Variants in PRDM16 observed in about 807,000 individuals in gnomAD.
The protein encoded by PRDM16 is histone-lysine N-methyltransferase PRDM16.
A neutral mutation model predicts 110.6 loss-of-function variants in PRDM16; 23 were observed. The ratio of observed to expected loss-of-function variants is 0.21; its 90% CI spans 0.15 to 0.29. PRDM16 has a LOEUF of 0.29. Among genes scored for constraint, PRDM16 ranks in the 10% least tolerant of loss-of-function variants. The pLI is 1.00. For synonymous variants in PRDM16, 799 were observed against 781.8 expected (o/e 1.02, Z -0.37); for missense variants, 1,615 against 1,794.3 (o/e 0.90, Z 1.81).
intron 1 of PRDM16, among the ~76,000 whole-genome samples, chr1:3,180,554 G>A (rs765886485): frequency 7.2e-5 from 11 of 152,114 alleles, no homozygotes; most frequent in South Asian, 4.1e-4. Flanking sequence ...CCCGAGGGCC[G>A]CAAAAGTAAA....
At chr1:3,196,602 C>T (rs796087611) in intron 2 of PRDM16, among the ~76,000 whole-genome samples, 3 of 152,320 alleles carry the variant, frequency 2.0e-5, no homozygotes, top group South Asian at 2.1e-4. Context: ...AGCCAGGAAC[C>T]GCAGGGGTTC....
intron 16 of PRDM16, 66 bp downstream of exon 16, chr1:3,432,206 T>A: frequency 6.9e-7 from 1 of 1,457,066 alleles, no homozygotes; most frequent in Non-Finnish European, 9.5e-7. Flanking sequence ...CAGCCAGCAC[T>A]CCTCTCCCGC....
At chr1:3,252,938 G>A (rs994795633) in intron 3 of PRDM16, among the ~76,000 whole-genome samples, 18 of 152,236 alleles carry the variant, frequency 1.2e-4, no homozygotes, top group African/African-American at 3.9e-4. Flanking sequence ...GTGTGTGCTC[G>A]TGGAGATGTG....
chr1:3,328,817 G>A (rs890506613), intron 3 of PRDM16, among the ~76,000 whole-genome samples: 9 of 152,110 alleles, frequency 5.9e-5, no homozygotes, highest in African/African-American at 1.9e-4. Flanking sequence ...GCCATTGTCC[G>A]ACCCTCTGCG....
intron 5 of PRDM16, among the ~76,000 whole-genome samples, chr1:3,401,602 AAACC>A (rs1643473016): frequency 6.6e-6 from 1 of 152,122 alleles, no homozygotes; most frequent in Non-Finnish European, 1.5e-5. Flanking sequence ...ACACACACAC[AAACC>A]AACACACAAT....
chr1:3,074,590 A>G (rs1641850168), intron 1 of PRDM16, among the ~76,000 whole-genome samples: 1 of 151,626 alleles, frequency 6.6e-6, no homozygotes, highest in Admixed American at 6.6e-5. Flanking sequence ...CGTCCCCCAC[A>G]GCTCCTGCCC....
chr1:3,225,573 T>TGTGTGTGTGTGCGCGCGCGCGC (rs1336272072), intron 2 of PRDM16, among the ~76,000 whole-genome samples: 9 of 129,796 alleles, frequency 6.9e-5, no homozygotes, highest in African/African-American at 2.4e-4. Context: ...TGTGTGTGTG[T>TGTGTGTGTGTGCGCGCGCGCGC]GCGCGCGCGC....
intron 1 of PRDM16, among the ~76,000 whole-genome samples, chr1:3,102,900 C>A (rs1642565128): frequency 6.6e-6 from 1 of 152,204 alleles, no homozygotes; most frequent in Non-Finnish European, 1.5e-5. Context: ...GTCAGAGTAG[C>A]CCAACCTCAG....
intron 3 of PRDM16, among the ~76,000 whole-genome samples, chr1:3,292,243 C>G (rs1367450011): frequency 6.6e-6 from 1 of 152,206 alleles, no homozygotes; most frequent in Non-Finnish European, 1.5e-5. Context: ...GCCTCAAGTC[C>G]TGTTACTCAA....
At chr1:3,076,400 T>C (rs542751664) in intron 1 of PRDM16, among the ~76,000 whole-genome samples, 1 of 152,292 alleles carries the variant, frequency 6.6e-6, no homozygotes, top group South Asian at 2.1e-4. Flanking sequence ...TTTTCCTGCT[T>C]CTGAGATGTG....
intron 1 of PRDM16, among the ~76,000 whole-genome samples, chr1:3,129,692 G>T (rs1230859586): frequency 6.6e-6 from 1 of 152,152 alleles, no homozygotes; most frequent in Admixed American, 6.5e-5. Context: ...ACAGGTAGGG[G>T]CAAGGTCCTC....
chr1:3,237,425 C>A (rs1031858205), intron 2 of PRDM16, among the ~76,000 whole-genome samples: 1 of 152,180 alleles, frequency 6.6e-6, no homozygotes, highest in Non-Finnish European at 1.5e-5. Context: ...GATCTTTCCT[C>A]TTCCTCGTGT....
At chr1:3,319,020 TC>T (rs1206699634) in intron 3 of PRDM16, among the ~76,000 whole-genome samples, 1 of 152,192 alleles carries the variant, frequency 6.6e-6, no homozygotes, top group Non-Finnish European at 1.5e-5. Flanking sequence ...ATCCAGAAAC[TC>T]CAGCCCAGTG....
chr1:3,331,635 G>A (rs1196705402), intron 3 of PRDM16, among the ~76,000 whole-genome samples: 2 of 152,152 alleles, frequency 1.3e-5, no homozygotes, highest in Non-Finnish European at 2.9e-5. Flanking sequence ...CTAATTTGCT[G>A]CCCAGAGGAA....
At position 3,080,319 on chromosome 1, in the gene PRDM16, C is replaced by T. The variant is rs1043349523; in HGVS notation, c.37+11023C>T. Reference sequence around the variant, plus strand: ...TATTCAGTTCCCAGCCCAGGCTGAGCGTACAGCGAGTGACTGACAGAATAC... The same window carrying T: ...TATTCAGTTCCCAGCCCAGGCTGAGTGTACAGCGAGTGACTGACAGAATAC... On this transcript the variant is annotated intron_variant, in intron 1 of 16. Coordinates refer to ENST00000270722, the MANE Select transcript of PRDM16 (RefSeq NM_022114.4). This position sits in a 1 kb window ranked among gnomAD's most constrained non-coding sequence, Gnocchi z 5.2. Among the ~76,000 whole-genome samples the T allele has an allele frequency of 6.6e-6, 1 of 152,236 alleles. No individual in the cohort carries two copies. Among genetic ancestry groups the T allele is most frequent in the Non-Finnish European group, 1.5e-5 (1 of 68,044 alleles).
intron 14 of PRDM16, 66 bp from the exon 15 acceptor site, chr1:3,430,806 C>T (rs545919019): frequency 1.3e-6 from 2 of 1,579,964 alleles, no homozygotes; most frequent in South Asian, 1.1e-5. Context: ...AGTCACCAGC[C>T]TTTGGGGGTC....
intron 3 of PRDM16, among the ~76,000 whole-genome samples, chr1:3,338,661 G>T (rs1011044788): frequency 6.6e-6 from 1 of 152,130 alleles, no homozygotes; most frequent in Non-Finnish European, 1.5e-5. Flanking sequence ...AGGGTCCCAC[G>T]CCATGAGGGC....
At chr1:3,296,770 T>C (rs1267540638) in intron 3 of PRDM16, among the ~76,000 whole-genome samples, 2 of 152,220 alleles carry the variant, frequency 1.3e-5, no homozygotes, top group African/African-American at 4.8e-5. Flanking sequence ...TTCGTGGAAC[T>C]CTCGTGTGCC....
At chr1:3,090,778 G>A (rs1452496296) in intron 1 of PRDM16, among the ~76,000 whole-genome samples, 2 of 152,240 alleles carry the variant, frequency 1.3e-5, no homozygotes, top group Non-Finnish European at 2.9e-5. Flanking sequence ...CTGGGCATTG[G>A]CCCCTGAAGC....
Sources: allele counts gnomAD v4.1 joint callset (sites outside exome capture counted in the v4.1 genomes callset), GRCh38; gene constraint gnomAD v4.1.1; non-coding constraint Gnocchi (gnomAD v3.1); transcripts MANE v1.5; gene names NCBI Gene and HGNC (gene_info 2026-07-23, HGNC 2026-07-21).